Variants in PTPRQ observed in about 807,000 individuals in gnomAD.
The protein encoded by PTPRQ is protein tyrosine phosphatase receptor type Q, also known as phosphatidylinositol phosphatase PTPRQ.
Under a neutral mutation model 246.0 loss-of-function variants are expected in PTPRQ, and 199 were observed. The ratio of observed to expected loss-of-function variants is 0.81; its 90% CI spans 0.72 to 0.91. PTPRQ has a LOEUF of 0.91. Among genes scored for constraint, PTPRQ ranks in the 40% least tolerant of loss-of-function variants. The pLI is 0.00. For synonymous variants in PTPRQ, 869 were observed against 853.2 expected (o/e 1.02, Z -0.32); for missense variants, 2,624 against 2,528.4 (o/e 1.04, Z -0.81).
intron 8 of PTPRQ, among the ~76,000 whole-genome samples, chr12:80,477,865 G>C (rs1302735601): frequency 6.6e-6 from 1 of 152,198 alleles, no homozygotes; most frequent in African/African-American, 2.4e-5. Flanking sequence ...CCCACACCTG[G>C]CTCGGAGGGT....
intron 30 of PTPRQ, among the ~76,000 whole-genome samples, chr12:80,619,065 AAT>A (rs1197052141): frequency 3.3e-5 from 5 of 151,540 alleles, no homozygotes; most frequent in African/African-American, 1.2e-4. Flanking sequence ...GTAAAAAGTA[AAT>A]ATGTTTATGC....
chr12:80,503,009 T>A (rs73347742), intron 14 of PTPRQ, among the ~76,000 whole-genome samples: 1,864 of 151,866 alleles, frequency 0.012, 45 homozygotes, highest in African/African-American at 0.042. Context: ...TTACCAGTTG[T>A]CTGTCTTAAA....
chr12:80,642,143 C>T (rs1300753384), intron 35 of PTPRQ, among the ~76,000 whole-genome samples: 1 of 152,144 alleles, frequency 6.6e-6, no homozygotes, highest in Non-Finnish European at 1.5e-5. Context: ...CCTCTACATA[C>T]GTCATACTAT....
intron 35 of PTPRQ, among the ~76,000 whole-genome samples, chr12:80,647,654 A>G (rs959012196): frequency 6.6e-6 from 1 of 152,228 alleles, no homozygotes; most frequent in Admixed American, 6.5e-5. Context: ...CAAATCAAAG[A>G]TTCTTCTCAT....
chr12:80,462,029 G>C, intron 6 of PTPRQ: 2 of 701,410 alleles, frequency 2.9e-6, no homozygotes, highest in Middle Eastern at 2.3e-4. Flanking sequence ...AGTGCGTGCA[G>C]TGCGCCGTGA....
intron 19 of PTPRQ, among the ~76,000 whole-genome samples, chr12:80,537,682 A>G (rs1383963000): frequency 1.3e-5 from 2 of 152,196 alleles, no homozygotes; most frequent in Non-Finnish European, 2.9e-5. Context: ...CTTTGCTACT[A>G]CTTGGCAATC....
At chr12:80,613,472 T>C (rs1898631238) in intron 28 of PTPRQ, 120 bp from the exon 29 acceptor site, 2 of 1,062,784 alleles carry the variant, frequency 1.9e-6, no homozygotes, top group East Asian at 5.3e-5. Flanking sequence ...TTTTTGCAGT[T>C]TATATGGTTT....
chr12:80,539,638 G>A (rs1022157973), intron 19 of PTPRQ, 138 bp from the exon 20 acceptor site: 1 of 658,820 alleles, frequency 1.5e-6, no homozygotes, highest in Non-Finnish European at 2.3e-6. Flanking sequence ...AATAAAAAAT[G>A]TTCTATGTCG....
chr12:80,634,958 C>T lies in PTPRQ; in HGVS notation c.5800C>T (p.Gln1934Ter). ...IFAFARIRQK[Q>*]KEGGTYSPQD... ...CGCTTGTTTTAGAATTCGACAGAAG[C>T]AGAAAGAAGGTGGCACATACTCTCC... Residue 1934 changes from glutamine to a stop codon, truncating the protein, a stop_gained, in exon 35 of 45, where the codon CAG becomes TAG. Transcript: ENST00000644991. LOFTEE classifies it high-confidence loss of function. 1 of 1,550,414 alleles carries T rather than the reference C, an allele frequency of 6.4e-7. No individual in the cohort carries two copies. Among genetic ancestry groups the T allele is most frequent in the Non-Finnish European group, 8.7e-7 (1 of 1,146,344 alleles).
At chr12:80,635,892 T>TA (rs1274160631) in intron 35 of PTPRQ, among the ~76,000 whole-genome samples, 1 of 152,136 alleles carries the variant, frequency 6.6e-6, no homozygotes, top group Admixed American at 6.5e-5. Flanking sequence ...CTGTTAAAAT[T>TA]AAAAAAATTA....
chr12:80,542,080 C>A lies in PTPRQ; in HGVS notation c.3446-9C>A, dbSNP rs536651043. 1.4e-5 allele frequency: 21 copies of A among 1,531,354 alleles called. No individual in the cohort carries two copies. The African/African-American group carries it at 1.7e-4, about 12-fold the overall frequency. The allele number at this position is 1,531,354 out of a possible 1,614,324, so 94.9% of individuals were successfully genotyped here. On this transcript the variant is annotated splice_polypyrimidine_tract_variant and intron_variant, in intron 21 of 44. Transcript: ENST00000644991. ...TTGTTTCATTTAATATTCTCTTTTT[C>A]TTTTATAGTCCCAGAAACTTCACCA...
intron 25 of PTPRQ, among the ~76,000 whole-genome samples, chr12:80,578,141 A>G (rs1897324257): frequency 1.3e-5 from 2 of 151,246 alleles, no homozygotes; most frequent in South Asian, 4.2e-4. Context: ...ACATATGTAT[A>G]CATGTGCCAT....
intron 8 of PTPRQ, among the ~76,000 whole-genome samples, chr12:80,472,521 A>G (rs1328503092): frequency 6.6e-6 from 1 of 152,208 alleles, no homozygotes. Flanking sequence ...AAATTTAGCA[A>G]AACCTCAAGA....
chr12:80,524,018 G>A (rs770898036), intron 17 of PTPRQ, among the ~76,000 whole-genome samples: 2 of 151,956 alleles, frequency 1.3e-5, no homozygotes, highest in African/African-American at 2.4e-5. Flanking sequence ...TCTAGGTCTC[G>A]AAGGACTTGG....
intron 33 of PTPRQ, among the ~76,000 whole-genome samples, chr12:80,625,472 G>A (rs1249983575): frequency 6.6e-6 from 1 of 152,180 alleles, no homozygotes; most frequent in African/African-American, 2.4e-5. Context: ...TGGGATTTAA[G>A]AGCTTTTGCA....
At position 80,445,520 on chromosome 12, in the gene PTPRQ, G is replaced by T; in HGVS notation, c.193G>T (p.Glu65Ter). ...AGGGCCTCCAGTCTTCCTAGCCGGG[G>T]AAAGAGTCGGATCTGCTGGGATTCT... is the stretch of plus-strand genomic sequence containing the variant. Reference protein sequence around the residue: ...KPGPPVFLAGERVGSAGILLS... With the variant: ...KPGPPVFLAG The change falls in exon 3 of 45, where the codon GAA (glutamate) becomes TAA (stop). Residue 65 changes from glutamate to a stop codon, truncating the protein, a stop_gained. Transcript: ENST00000644991. LOFTEE classifies it high-confidence loss of function. 6.5e-7 allele frequency: 1 copy of T among 1,546,842 alleles called. No individual in the cohort carries two copies. The highest frequency in any genetic ancestry group is 8.7e-7 in the Non-Finnish European group (1 of 1,144,978).
chr12:80,464,176 C>A (rs1893315534), intron 6 of PTPRQ, among the ~76,000 whole-genome samples: 1 of 149,670 alleles, frequency 6.7e-6, no homozygotes, highest in Non-Finnish European at 1.5e-5. Flanking sequence ...GGAGGAAGAT[C>A]TACCAAGCAA....
intron 35 of PTPRQ, among the ~76,000 whole-genome samples, chr12:80,645,132 A>G (rs1259919976): frequency 1.3e-5 from 2 of 152,100 alleles, no homozygotes; most frequent in African/African-American, 4.8e-5. Context: ...ACAAAAGAAA[A>G]TAAAGCCAAA....
At chr12:80,632,546 A>G (rs1201782273) in intron 34 of PTPRQ, among the ~76,000 whole-genome samples, 2 of 152,218 alleles carry the variant, frequency 1.3e-5, no homozygotes, top group African/African-American at 4.8e-5. Flanking sequence ...AAGAATTGTT[A>G]ACTAGCAGAA....
Sources: gnomAD v4.1 joint callset for allele counts (sites outside exome capture counted in the v4.1 genomes callset) on GRCh38, gnomAD v4.1.1 for gene constraint, MANE v1.5 for transcripts, NCBI Gene and HGNC (gene_info 2026-07-23, HGNC 2026-07-21) for gene names.